Variants in SOBP observed in about 807,000 individuals in gnomAD.
SOBP encodes sine oculis-binding protein homolog.
In SOBP, 4 loss-of-function variants were observed where a neutral mutation model predicts 53.6. That is an observed-to-expected ratio of 0.07 (90% CI 0.04 to 0.17). The LOEUF is 0.17. SOBP is among the 10% of genes least tolerant of loss of function. SOBP has a pLI of 1.00. For synonymous variants in SOBP, 584 were observed against 522.6 expected (o/e 1.12, Z -1.60); for missense variants, 1,088 against 1,204.7 (o/e 0.90, Z 1.43).
chr6:107,576,768 G>A (rs888702165), intron 4 of SOBP, among the ~76,000 whole-genome samples: 14 of 152,190 alleles, frequency 9.2e-5, no homozygotes, highest in Non-Finnish European at 1.5e-5. Flanking sequence ...GTAAACTGAG[G>A]CTTAGCATAT....
intron 4 of SOBP, among the ~76,000 whole-genome samples, chr6:107,558,799 T>A (rs1368489883): frequency 6.6e-6 from 1 of 152,092 alleles, no homozygotes; most frequent in African/African-American, 2.4e-5. Context: ...ATTTAAGTTA[T>A]TCTAGTGATA....
At chr6:107,656,306 A>AG (rs1215299493) in intron 6 of SOBP, among the ~76,000 whole-genome samples, 11 of 14,838 alleles carry the variant, frequency 7.4e-4, no homozygotes, top group African/African-American at 3.4e-3. Flanking sequence ...AAAGAAAGAA[A>AG]GAAAGAAAGA....
chr6:107,632,953 T>C (rs1770781265), intron 5 of SOBP, among the ~76,000 whole-genome samples: 1 of 152,170 alleles, frequency 6.6e-6, no homozygotes, highest in Non-Finnish European at 1.5e-5. Flanking sequence ...ACAGACTTCA[T>C]GATTAATTCC....
chr6:107,499,934 G>A (rs1278697850), intron 1 of SOBP, among the ~76,000 whole-genome samples: 1 of 151,856 alleles, frequency 6.6e-6, no homozygotes, highest in Non-Finnish European at 1.5e-5. Flanking sequence ...TGAAACACAT[G>A]TATATATATA....
intron 4 of SOBP, among the ~76,000 whole-genome samples, chr6:107,555,785 C>T (rs1784592570): frequency 6.6e-6 from 1 of 152,228 alleles, no homozygotes; most frequent in Non-Finnish European, 1.5e-5. Flanking sequence ...ATGACCCAGA[C>T]AGAACTGCAA....
intron 4 of SOBP, among the ~76,000 whole-genome samples, chr6:107,557,342 A>G (rs1344825247): frequency 3.3e-5 from 5 of 152,246 alleles, no homozygotes; most frequent in Non-Finnish European, 2.9e-5. Context: ...AATATATCAT[A>G]AGGATAAATA....
At chr6:107,513,768 C>T (rs1477730954) in intron 3 of SOBP, among the ~76,000 whole-genome samples, 1 of 150,970 alleles carries the variant, frequency 6.6e-6, no homozygotes, top group African/African-American at 2.4e-5. Flanking sequence ...ACTGAACCCT[C>T]AGTTTTCCCA....
intron 5 of SOBP, among the ~76,000 whole-genome samples, chr6:107,603,103 A>C (rs532116266): frequency 6.6e-6 from 1 of 152,348 alleles, no homozygotes; most frequent in East Asian, 1.9e-4. Flanking sequence ...ATGCTCATGA[A>C]CATGCAAATG....
Position 107,544,050 on chromosome 6 carries a change from A to G in SOBP, c.573+10440A>G, listed in dbSNP as rs111347123. 4.5e-3 allele frequency among the ~76,000 whole-genome samples: 681 copies of G among 152,320 alleles called. 6 individuals are homozygous for G. The highest frequency in any genetic ancestry group is 0.016 in the African/African-American group (646 of 41,580). ...ATAGTTTCCTCAGTGTAAGTGGCCT[A>G]GGAGAGGCTGGCCAAGGACTGTATT... On this transcript the variant is annotated intron_variant, in intron 4 of 6. Coordinates refer to ENST00000317357, the MANE Select transcript of SOBP (RefSeq NM_018013.4).
chr6:107,578,127 G>T (rs1351381780), intron 4 of SOBP, among the ~76,000 whole-genome samples: 1 of 151,132 alleles, frequency 6.6e-6, no homozygotes, highest in East Asian at 1.9e-4. Context: ...GAAGATGTTG[G>T]AGTACCATCT....
At chr6:107,569,102 C>G (rs1231026067) in intron 4 of SOBP, among the ~76,000 whole-genome samples, 2 of 152,096 alleles carry the variant, frequency 1.3e-5, no homozygotes, top group Non-Finnish European at 2.9e-5. Flanking sequence ...AACAATCCAC[C>G]ACTTTACCCC....
intron 4 of SOBP, among the ~76,000 whole-genome samples, chr6:107,577,396 CCCCCAAAACAATCA>C (rs2115046290): frequency 6.6e-6 from 1 of 152,340 alleles, no homozygotes; most frequent in East Asian, 1.9e-4. Flanking sequence ...ACCCCCTCAT[CCCCCAAAACAATCA>C]CCACAAGGTG....
At chr6:107,528,484 T>C (rs573045741) in intron 3 of SOBP, among the ~76,000 whole-genome samples, 1 of 152,316 alleles carries the variant, frequency 6.6e-6, no homozygotes, top group South Asian at 2.1e-4. Flanking sequence ...GCCTGTCTTA[T>C]CATTTAATGT....
chr6:107,656,719 T>G (rs976471018), intron 6 of SOBP, among the ~76,000 whole-genome samples: 2 of 152,216 alleles, frequency 1.3e-5, no homozygotes, highest in Non-Finnish European at 2.9e-5. Context: ...CCTCTTGCTC[T>G]TGCTAAATTC....
intron 5 of SOBP, among the ~76,000 whole-genome samples, chr6:107,617,733 G>A (rs1393420952): frequency 6.6e-6 from 1 of 150,568 alleles, no homozygotes; most frequent in Non-Finnish European, 1.5e-5. Context: ...CCCACAGCTT[G>A]ATTTGATCAT....
intron 4 of SOBP, among the ~76,000 whole-genome samples, chr6:107,585,855 G>C (rs905656449): frequency 6.6e-6 from 1 of 152,104 alleles, no homozygotes; most frequent in Non-Finnish European, 1.5e-5. Flanking sequence ...TATAGCCAGG[G>C]AGCTCTGAGT....
In SOBP at chr6:107,490,732, GC is replaced by G; in HGVS notation, c.96+22del. On this transcript the variant is annotated intron_variant, in intron 1 of 6. Coordinates refer to ENST00000317357, the MANE Select transcript of SOBP (RefSeq NM_018013.4). ...ATGAAGGTATTTTTTGATCTCGGGGGCCAGGGAGACTGAGCTCTTTCTTGCG... is the reference window on the plus strand; with the variant it reads ...ATGAAGGTATTTTTTGATCTCGGGGGCAGGGAGACTGAGCTCTTTCTTGCG... 6.4e-7 allele frequency: 1 copy of G among 1,551,102 alleles called. No individual in the cohort carries two copies. The highest frequency in any genetic ancestry group is 8.8e-7 in the Non-Finnish European group (1 of 1,137,348).
At chr6:107,650,832 C>T (rs1771772851) in intron 6 of SOBP, among the ~76,000 whole-genome samples, 1 of 152,146 alleles carries the variant, frequency 6.6e-6, no homozygotes, top group African/African-American at 2.4e-5. Flanking sequence ...ACCCATGTCT[C>T]TCATTTTGAA....
At position 107,490,457 on chromosome 6, in the gene SOBP, G is replaced by T. The variant is rs1359476120; in HGVS notation, c.-160G>T. ...GCTAGAAGAGACCCCGCTTCTCGGC[G>T]CCTGCCCTCCCCCTCGCGGCTCGGT... On this transcript the variant is annotated 5_prime_UTR_variant, in exon 1 of 7. Coordinates refer to ENST00000317357, the MANE Select transcript of SOBP (RefSeq NM_018013.4). 2 of 598,260 alleles carry T rather than the reference G, an allele frequency of 3.3e-6. No individual in the cohort carries two copies. The highest frequency in any genetic ancestry group is 2.9e-5 in the Admixed American group (1 of 34,452). 37.1% of individuals were successfully genotyped at this position (598,260 alleles called of 1,614,324 possible). A position where few individuals can be genotyped will look rare whatever the true frequency, so the allele number is the denominator to read the frequency against.
Sources: allele counts gnomAD v4.1 joint callset (sites outside exome capture counted in the v4.1 genomes callset), GRCh38; gene constraint gnomAD v4.1.1; transcripts MANE v1.5; gene names NCBI Gene and HGNC (gene_info 2026-07-23, HGNC 2026-07-21).